The following EPHA6 variants were observed in gnomAD, a reference collection of about 807,000 sequenced individuals.
EPHA6 encodes the protein EPH receptor A6, also known as ephrin type-A receptor 6.
A neutral mutation model predicts 112.0 loss-of-function variants in EPHA6; 50 were observed. The observed-to-expected ratio is 0.45, with a 90% confidence interval of 0.36 to 0.56. The LOEUF (loss-of-function observed/expected upper bound fraction) is 0.56, where lower values mean the gene tolerates loss of function less well. Among genes scored for constraint, EPHA6 ranks in the 20% least tolerant of loss-of-function variants. The pLI, the probability that EPHA6 is intolerant of heterozygous loss-of-function variation, is 0.00. For synonymous variants in EPHA6, 529 were observed against 490.7 expected, an observed-to-expected ratio of 1.08 and a Z score of -1.03; for missense variants, 1,280 against 1,417.4, an observed-to-expected ratio of 0.90 and a Z score of 1.56.
chr3:97,011,708 G>A (rs2044091533), intron 3 of EPHA6, among the ~76,000 whole-genome samples: 1 of 152,050 alleles, frequency 6.6e-6, no homozygotes, highest in African/African-American at 2.4e-5. Context: ...TGGGTATATT[G>A]TGTGACACTA....
At chr3:97,381,173 G>C (rs868053970) in intron 5 of EPHA6, among the ~76,000 whole-genome samples, 5 of 152,014 alleles carry the variant, frequency 3.3e-5, no homozygotes, top group South Asian at 2.1e-4. Context: ...AAATACACTT[G>C]AGGGCATTTG....
chr3:96,923,853 G>GCCC (rs1380828308), intron 2 of EPHA6, among the ~76,000 whole-genome samples: 3,474 of 152,222 alleles, frequency 0.023, 138 homozygotes, highest in African/African-American at 0.079. Context: ...TATATGGCTA[G>GCCC]CCAGTTCCCC....
At chr3:97,129,620 G>C (rs938726931) in intron 3 of EPHA6, among the ~76,000 whole-genome samples, 6 of 152,194 alleles carry the variant, frequency 3.9e-5, no homozygotes, top group Non-Finnish European at 7.4e-5. Flanking sequence ...AAACAGTAAG[G>C]CACTTTATTC....
intron 10 of EPHA6, among the ~76,000 whole-genome samples, chr3:97,494,332 C>T (rs1167109592): frequency 1.3e-5 from 2 of 152,158 alleles, no homozygotes; most frequent in Non-Finnish European, 2.9e-5. Flanking sequence ...TATAAACTTT[C>T]CTCGCAGTAA....
chr3:97,453,400 T>C (rs1181042535), intron 7 of EPHA6, among the ~76,000 whole-genome samples: 10 of 151,754 alleles, frequency 6.6e-5, no homozygotes, highest in Admixed American at 6.6e-4. Context: ...CTGAAAAGAT[T>C]AATTACAGCT....
At chr3:97,022,189 AAC>A (rs2044484877) in intron 3 of EPHA6, among the ~76,000 whole-genome samples, 1 of 152,202 alleles carries the variant, frequency 6.6e-6, no homozygotes, top group South Asian at 2.1e-4. Context: ...TAAAAAACAG[AAC>A]ACAATATTAT....
At chr3:97,147,451 C>T (rs1384728535) in intron 3 of EPHA6, among the ~76,000 whole-genome samples, 1 of 151,900 alleles carries the variant, frequency 6.6e-6, no homozygotes, top group Admixed American at 6.6e-5. Context: ...CTGCAAAGCA[C>T]AATGCCAGTC....
chr3:97,306,559 C>T (rs1481255440), intron 5 of EPHA6, among the ~76,000 whole-genome samples: 1 of 151,768 alleles, frequency 6.6e-6, no homozygotes, highest in East Asian at 1.9e-4. Context: ...CTTGCAGGGT[C>T]CCTCCCAGTG....
intron 5 of EPHA6, among the ~76,000 whole-genome samples, chr3:97,390,097 C>T (rs932165380): frequency 2.0e-4 from 30 of 152,178 alleles, no homozygotes; most frequent in African/African-American, 6.5e-4. Context: ...GACCCATATC[C>T]TCAGGAAGCC....
intron 1 of EPHA6, among the ~76,000 whole-genome samples, chr3:96,818,635 A>G (rs559684069): frequency 2.0e-4 from 30 of 152,110 alleles, no homozygotes; most frequent in African/African-American, 6.7e-4. Context: ...AATTAGTTTT[A>G]TCCATATGTT....
chr3:97,392,442 A>G (rs954083385), intron 5 of EPHA6, among the ~76,000 whole-genome samples: 7 of 151,384 alleles, frequency 4.6e-5, no homozygotes, highest in Admixed American at 2.0e-4. Flanking sequence ...GTGTGTGTGT[A>G]TATTTATATA....
In EPHA6 at chr3:97,064,565, A is replaced by C. The variant is rs569217148; in HGVS notation, c.1114+76572A>C. Among the ~76,000 whole-genome samples the C allele has an allele frequency of 2.0e-5, 3 of 152,314 alleles. No homozygotes were observed. In the South Asian group the frequency reaches 6.2e-4, roughly 32 times the overall value. ...ATATCTGGTCCAGTGCCTGACACAT[A>C]GTAGTATGTCAATAATATCCATTTC... On this transcript the variant is annotated intron_variant, in intron 3 of 17. Transcript: ENST00000389672.
intron 3 of EPHA6, among the ~76,000 whole-genome samples, chr3:97,117,977 G>C (rs2047940067): frequency 6.6e-6 from 1 of 151,738 alleles, no homozygotes; most frequent in Non-Finnish European, 1.5e-5. Context: ...ATAGTGCAAT[G>C]AATATCTCTT....
In EPHA6 at chr3:97,751,786, T is replaced by C. The variant is rs544911193; in HGVS notation, c.*3085T>C. ...ATCTTTGATACCTAAAATATGCATA[T>C]AGACTCACATACCTACTTTATTTTA... is the stretch of plus-strand genomic sequence containing the variant. On this transcript the variant is annotated 3_prime_UTR_variant, in exon 18 of 18. Coordinates refer to ENST00000389672, the MANE Select transcript of EPHA6 (RefSeq NM_001080448.3). 6.6e-6 allele frequency among the ~76,000 whole-genome samples: 1 copy of C among 152,138 alleles called. No homozygotes were observed. The highest frequency in any genetic ancestry group is 1.5e-5 in the Non-Finnish European group (1 of 67,990).
intron 3 of EPHA6, among the ~76,000 whole-genome samples, chr3:97,193,338 T>G (rs960371100): frequency 1.3e-5 from 2 of 152,138 alleles, no homozygotes; most frequent in African/African-American, 2.4e-5. Flanking sequence ...ACAATTTTAA[T>G]TGTAGAGATT....
intron 3 of EPHA6, among the ~76,000 whole-genome samples, chr3:97,040,735 A>G (rs772869459): frequency 1.3e-5 from 2 of 152,116 alleles, no homozygotes; most frequent in Non-Finnish European, 2.9e-5. Flanking sequence ...AATTTATTTC[A>G]TAATCTGCAA....
At chr3:97,020,763 T>G (rs1282536580) in intron 3 of EPHA6, among the ~76,000 whole-genome samples, 1 of 152,166 alleles carries the variant, frequency 6.6e-6, no homozygotes, top group African/African-American at 2.4e-5. Context: ...ACCTTTAGGT[T>G]TTTTTAAATT....
intron 3 of EPHA6, among the ~76,000 whole-genome samples, chr3:97,191,383 C>T (rs1269532981): frequency 2.0e-5 from 3 of 151,776 alleles, no homozygotes; most frequent in Non-Finnish European, 4.4e-5. Flanking sequence ...ACCATAATGA[C>T]CCTGTTGTGC....
At chr3:97,215,584 C>T (rs2078010599) in intron 3 of EPHA6, among the ~76,000 whole-genome samples, 1 of 148,452 alleles carries the variant, frequency 6.7e-6, no homozygotes, top group South Asian at 2.1e-4. Context: ...GCACTTCAGT[C>T]TGGGCAACAA....
Sources: allele counts gnomAD v4.1 joint callset (sites outside exome capture counted in the v4.1 genomes callset), GRCh38; gene constraint gnomAD v4.1.1; transcripts MANE v1.5; gene names NCBI Gene and HGNC (gene_info 2026-07-23, HGNC 2026-07-21).